KLF12: variants seen among roughly 807,000 people sequenced by gnomAD.
KLF12 encodes the protein KLF transcription factor 12.
Under a neutral mutation model 37.8 loss-of-function variants are expected in KLF12, and 9 were observed. The observed-to-expected ratio is 0.24, with a 90% CI of 0.14 to 0.42. The LOEUF (loss-of-function observed/expected upper bound fraction) is 0.42, where lower values mean the gene tolerates loss of function less well. KLF12 is among the 10% of genes least tolerant of loss of function. The pLI is 1.00. For missense variants in KLF12, 411 were observed against 516.0 expected (o/e 0.80, Z 1.97); for synonymous variants, 208 against 202.1 (o/e 1.03, Z -0.25).
intron 3 of KLF12, among the ~76,000 whole-genome samples, chr13:73,894,811 T>C (rs901826044): frequency 2.0e-5 from 3 of 152,184 alleles, no homozygotes; most frequent in Non-Finnish European, 2.9e-5. Flanking sequence ...TGGGAAAAAA[T>C]ACCCAATCCG....
chr13:73,785,534 A>G (rs1881283551), intron 5 of KLF12, among the ~76,000 whole-genome samples: 1 of 151,980 alleles, frequency 6.6e-6, no homozygotes. Context: ...CTTATTGGCT[A>G]TGTTCACTTG....
chr13:73,725,549 G>A (rs915608954), intron 6 of KLF12, among the ~76,000 whole-genome samples: 1 of 151,742 alleles, frequency 6.6e-6, no homozygotes, highest in African/African-American at 2.4e-5. Context: ...TTTTAATTTG[G>A]AGACTTCTAA....
intron 4 of KLF12, among the ~76,000 whole-genome samples, chr13:73,821,559 G>T (rs1883527714): frequency 6.6e-6 from 1 of 152,140 alleles, no homozygotes. Flanking sequence ...TTTTCCCACT[G>T]CTTTTCATCG....
chr13:74,013,694 A>C (rs1023377932), intron 1 of KLF12, among the ~76,000 whole-genome samples: 4 of 152,176 alleles, frequency 2.6e-5, no homozygotes, highest in Non-Finnish European at 5.9e-5. Context: ...CACATAAAAA[A>C]CATGCAGCTT....
intron 1 of KLF12, among the ~76,000 whole-genome samples, chr13:74,083,456 G>A (rs968922923): frequency 2.7e-5 from 4 of 150,850 alleles, no homozygotes; most frequent in East Asian, 1.9e-4. Flanking sequence ...GCACTGAACC[G>A]TGATTGTGCC....
At chr13:74,163,690 CTT>C in the KLF12 span, among the ~76,000 whole-genome samples, 4 of 151,940 alleles carry the variant, frequency 2.6e-5, no homozygotes, top group African/African-American at 9.7e-5. Flanking sequence ...TCAATAATAA[CTT>C]AATTGCATAT....
intron 3 of KLF12, among the ~76,000 whole-genome samples, chr13:73,904,139 T>C (rs567113831): frequency 6.6e-5 from 10 of 152,164 alleles, no homozygotes; most frequent in Non-Finnish European, 1.5e-4. Context: ...GCAATGGAGA[T>C]ATAACAGCTC....
At chr13:73,750,761 G>C (rs948730962) in intron 6 of KLF12, among the ~76,000 whole-genome samples, 1 of 152,110 alleles carries the variant, frequency 6.6e-6, no homozygotes, top group Non-Finnish European at 1.5e-5. Flanking sequence ...GAATGCATTA[G>C]CTATTTTTTT....
intron 5 of KLF12, among the ~76,000 whole-genome samples, chr13:73,799,261 T>A (rs1882157958): frequency 6.6e-6 from 1 of 151,506 alleles, no homozygotes; most frequent in Non-Finnish European, 1.5e-5. Flanking sequence ...TACCTGAAGG[T>A]GATGAAAGGG....
chr13:73,950,682 C>T (rs1448045875), intron 2 of KLF12, among the ~76,000 whole-genome samples: 1 of 152,084 alleles, frequency 6.6e-6, no homozygotes, highest in Non-Finnish European at 1.5e-5. Context: ...ACCAACCAAT[C>T]CCTAGAGAAG....
At chr13:74,248,411 G>A in the KLF12 span, among the ~76,000 whole-genome samples, 1 of 152,288 alleles carries the variant, frequency 6.6e-6, no homozygotes, top group East Asian at 1.9e-4. Flanking sequence ...TCTGTTGTTT[G>A]GCAAAGGTGG....
intron 1 of KLF12, among the ~76,000 whole-genome samples, chr13:74,073,756 A>G (rs1874410940): frequency 6.6e-6 from 1 of 152,228 alleles, no homozygotes; most frequent in Non-Finnish European, 1.5e-5. Context: ...GAAGAACCCC[A>G]AAGACTAAAC....
At chr13:73,737,684 T>C (rs1436920507) in intron 6 of KLF12, among the ~76,000 whole-genome samples, 1 of 152,212 alleles carries the variant, frequency 6.6e-6, no homozygotes, top group Non-Finnish European at 1.5e-5. Flanking sequence ...AGCAAGGCTC[T>C]GACATTTTCT....
intron 1 of KLF12, among the ~76,000 whole-genome samples, chr13:74,120,519 GAATT>G (rs1877567171): frequency 6.6e-6 from 1 of 151,658 alleles, no homozygotes; most frequent in African/African-American, 2.4e-5. Context: ...GGTAAAGAAA[GAATT>G]TATTTAGGTA....
At chr13:73,953,511 G>A in intron 2 of KLF12, among the ~76,000 whole-genome samples, 1 of 152,068 alleles carries the variant, frequency 6.6e-6, no homozygotes, top group South Asian at 2.1e-4. Flanking sequence ...AAAGTTGTTT[G>A]AATAGTAATG....
intron 3 of KLF12, among the ~76,000 whole-genome samples, chr13:73,871,788 C>T (rs1293011061): frequency 2.0e-5 from 3 of 152,188 alleles, no homozygotes; most frequent in Non-Finnish European, 4.4e-5. Context: ...CCTCCAGAAT[C>T]CCATAATACA....
chr13:73,717,535 C>T (rs2137696704), intron 6 of KLF12, among the ~76,000 whole-genome samples: 1 of 152,338 alleles, frequency 6.6e-6, no homozygotes, highest in African/African-American at 2.4e-5. Flanking sequence ...AGTGTACCTT[C>T]TCCCTTTTAC....
intron 5 of KLF12, among the ~76,000 whole-genome samples, chr13:73,788,585 T>C (rs1881488768): frequency 6.6e-6 from 1 of 152,286 alleles, no homozygotes; most frequent in African/African-American, 2.4e-5. Context: ...TGGAACACCT[T>C]TGTGCTCGTA....
At chr13:74,214,590 A>G in the KLF12 span, among the ~76,000 whole-genome samples, 4,790 of 152,128 alleles carry the variant, frequency 0.031, 115 homozygotes, top group Middle Eastern at 0.071. Flanking sequence ...TTGCATTATC[A>G]TCGTCTATCT....
Sources: allele counts gnomAD v4.1 joint callset (sites outside exome capture counted in the v4.1 genomes callset), GRCh38; gene constraint gnomAD v4.1.1; transcripts MANE v1.5; gene names NCBI Gene and HGNC (gene_info 2026-07-23, HGNC 2026-07-21).